Variants in GLDC observed in about 807,000 individuals in gnomAD.
GLDC encodes glycine decarboxylase, also known as glycine dehydrogenase (decarboxylating), mitochondrial.
A neutral mutation model predicts 121.3 loss-of-function variants in GLDC; 104 were observed. The observed-to-expected ratio is 0.86, with a 90% CI of 0.73 to 1.01. GLDC has a LOEUF of 1.01. Ranked by LOEUF, GLDC falls within the 50% of genes least tolerant of loss-of-function variation. The pLI is 0.00. For missense variants in GLDC, 1,429 were observed against 1,306.6 expected (o/e 1.09, Z -1.44); for synonymous variants, 546 against 480.6 (o/e 1.14, Z -1.78).
intron 18 of GLDC, among the ~76,000 whole-genome samples, chr9:6,555,518 T>A (rs1259044623): frequency 5.9e-5 from 9 of 151,706 alleles, no homozygotes; most frequent in Non-Finnish European, 8.8e-5. Flanking sequence ...CCTGTAATCC[T>A]AGCACTTTGG....
In GLDC at chr9:6,589,926, G is replaced by C. The variant is rs185957408; in HGVS notation, c.1483-634C>G. 7.6e-3 allele frequency among the ~76,000 whole-genome samples: 1,155 copies of C among 152,142 alleles called. 5 individuals are homozygous for C. The highest frequency in any genetic ancestry group is 0.017 in the Middle Eastern group (5 of 294). On this transcript the variant is annotated intron_variant, in intron 11 of 24. Transcript: ENST00000321612. ...CAAAATTAGCCGGTCGTGTTGGCGG[G>C]TGCCTGTAGTCGCAGCTACTCGGGA...
rs140411475 is a variant in GLDC, at chr9:6,606,659, T to C, written c.646A>G (p.Arg216Gly). 25 of 1,596,420 alleles carry C rather than the reference T, an allele frequency of 1.6e-5. No individual in the cohort carries two copies. The highest frequency in any genetic ancestry group is 1.7e-4 in the Middle Eastern group (1 of 6,018). Residue 216 changes from arginine (R) to glycine (G), a missense_variant, in exon 5 of 25, where the codon AGG (arginine) becomes GGG (glycine). Arg to Gly is a moderately radical substitution (Grantham distance 125). Coordinates refer to ENST00000321612, the MANE Select transcript of GLDC (RefSeq NM_000170.3). The part of the protein sequence containing the change: ...ALQLCYRHNK[R>G]RKFLVDPRCH... ...CGGGGATCAACGAGAAATTTCCTCC[T>C]CTTGTTGTGTCTGTTGAAAAGAAAA...
chr9:6,549,232 G>T (rs1021971938), intron 21 of GLDC, among the ~76,000 whole-genome samples: 3 of 152,248 alleles, frequency 2.0e-5, no homozygotes, highest in Middle Eastern at 3.4e-3. Context: ...GCGTCATCAC[G>T]TGCATTTGTC....
chr9:6,619,163 AAAAAAAAAAAAAAG>A lies in GLDC; in HGVS notation c.470+1007_470+1020del, dbSNP rs1371494655. On this transcript the variant is annotated intron_variant, in intron 3 of 24. Transcript: ENST00000321612. ...GTCTCAGGCAAAAAAAAAAAAAAAA[AAAAAAAAAAAAAAG>A]AAGAAGTAGGAGTGACTTATCTAAC... Among the ~76,000 whole-genome samples the A allele has an allele frequency of 2.0e-5, 3 of 150,356 alleles. No individual in the cohort carries two copies. In the East Asian group the frequency reaches 5.8e-4, roughly 29 times the overall value.
At position 6,534,738 on chromosome 9, in the gene GLDC, A is replaced by C; in HGVS notation, c.2889T>G (p.Pro963=). The change falls in exon 24 of 25, where the codon CCT becomes CCG. Residue 963 remains proline, a synonymous_variant. Transcript: ENST00000321612. The part of the protein sequence containing the change: ...TCVTSSHWDR[P]YSREVAAFPL... ...GGAATGCTGCCACCTCTCTGGAATA[A>C]GGCCGGTCCCAGTGGGAAGATGTAA... 6.2e-7 allele frequency: 1 copy of C among 1,606,572 alleles called. No homozygotes were observed. The highest frequency in any genetic ancestry group is 8.5e-7 in the Non-Finnish European group (1 of 1,173,154).
At chr9:6,541,259 G>A (rs1331162412) in intron 21 of GLDC, 4 of 152,164 alleles carry the variant, frequency 2.6e-5, no homozygotes, top group Admixed American at 6.5e-5. Context: ...TTAAGTCAGC[G>A]TTTTAATAAA....
intron 21 of GLDC, among the ~76,000 whole-genome samples, chr9:6,549,597 G>A (rs1817467250): frequency 6.6e-6 from 1 of 152,026 alleles, no homozygotes; most frequent in Non-Finnish European, 1.5e-5. Flanking sequence ...CTTTCCTGGG[G>A]CCTCACCACT....
At chr9:6,613,924 G>A (rs1340931794) in intron 3 of GLDC, among the ~76,000 whole-genome samples, 2 of 152,004 alleles carry the variant, frequency 1.3e-5, no homozygotes, top group African/African-American at 2.4e-5. Context: ...TTACAGGTGC[G>A]TGACACCACA....
chr9:6,618,967 C>T (rs1819022003), intron 3 of GLDC, among the ~76,000 whole-genome samples: 1 of 151,624 alleles, frequency 6.6e-6, no homozygotes, highest in South Asian at 2.1e-4. Flanking sequence ...GATGGTGAAA[C>T]CCCGTCTCTA....
rs767267571 is a variant in GLDC at position 6,550,873 on chromosome 9, C to T, written c.2499G>A (p.Ala833=). The T allele has an allele frequency of 6.8e-6, 11 of 1,613,592 alleles. No individual in the cohort carries two copies. Among genetic ancestry groups the T allele is most frequent in the African/African-American group, 5.3e-5 (4 of 74,884 alleles). ...TGGCCATGTAGTTGGCATTTAATAT[C>T]GCAGTTTCCGTGGCTTGTTTAAGAC... The part of the protein sequence containing the change: ...GKGLKQATET[A]ILNANYMAKR... Residue 833 remains alanine (A), a synonymous_variant, in exon 21 of 25, where the codon GCG becomes GCA. Coordinates refer to ENST00000321612, the MANE Select transcript of GLDC (RefSeq NM_000170.3).
chr9:6,552,062 AAG>A (rs1283939682), intron 20 of GLDC, among the ~76,000 whole-genome samples: 1 of 152,184 alleles, frequency 6.6e-6, no homozygotes, highest in Non-Finnish European at 1.5e-5. Flanking sequence ...AAGCAACAGG[AAG>A]CCACGAGAGA....
chr9:6,552,807 GGAAGGAAGCCTGT>G (rs1817542083), intron 20 of GLDC, among the ~76,000 whole-genome samples: 1 of 152,120 alleles, frequency 6.6e-6, no homozygotes, highest in African/African-American at 2.4e-5. Flanking sequence ...ATAAGACAAA[GGAAGGAAGCCTGT>G]ACTCTGACTA....
At position 6,589,181 on chromosome 9, in the gene GLDC, C is replaced by G. The variant is rs1038001965; in HGVS notation, c.1580+14G>C. 1 of 1,516,450 alleles carries G rather than the reference C, an allele frequency of 6.6e-7. No homozygotes were observed. The highest frequency in any genetic ancestry group is 9.2e-7 in the Non-Finnish European group (1 of 1,090,746). The allele number at this position is 1,516,450 out of a possible 1,614,324, so 93.9% of individuals were successfully genotyped here. A position where few individuals can be genotyped will look rare whatever the true frequency, so the allele number is the denominator to read the frequency against. On this transcript the variant is annotated intron_variant, in intron 12 of 24. Transcript: ENST00000321612. ...CAAAGCACAAAACGCAGAAGTCACA[C>G]AAGACACACAAACCTGTTGAACACT...
chr9:6,620,263 T>G lies in GLDC; in HGVS notation c.391A>C (p.Arg131=). Residue 131 remains arginine, a synonymous_variant, in exon 3 of 25, where the codon AGA becomes CGA. Transcript: ENST00000321612. ...HAISSKNQIW[R]SYIGMGYYNC... ...TAATAGCCCATGCCAATATACGATC[T>G]CCAGATCTGGTTTTTGCTTGAAATG... The G allele has an allele frequency of 3.1e-6, 5 of 1,613,618 alleles. No homozygotes were observed. The highest frequency in any genetic ancestry group is 4.2e-6 in the Non-Finnish European group (5 of 1,179,472).
intron 24 of GLDC, 73 bp from the exon 25 acceptor site, chr9:6,533,233 TGCTAGTCCCACAACCTAAG>T (rs1368448707): frequency 7.8e-7 from 1 of 1,277,662 alleles, no homozygotes; most frequent in Non-Finnish European, 1.1e-6. Context: ...GAGGTGGCAA[TGCTAGTCCCACAACCTAAG>T]ACACCATCAG....
chr9:6,624,682 G>A (rs1349560204), intron 2 of GLDC, among the ~76,000 whole-genome samples: 3 of 152,110 alleles, frequency 2.0e-5, no homozygotes, highest in African/African-American at 7.2e-5. Context: ...GGCCCAGCTG[G>A]CCAGTTAAAA....
chr9:6,623,158 T>C lies in GLDC; in HGVS notation c.335-2839A>G, dbSNP rs1279078035. 108 of 169,804 alleles carry C rather than the reference T, an allele frequency of 6.4e-4. 1 individual carries two copies. The Admixed American group carries it at 6.8e-3, about 11-fold the overall frequency. 10.5% of individuals were successfully genotyped at this position (169,804 alleles called of 1,614,324 possible). A position where few individuals can be genotyped will look rare whatever the true frequency, so the allele number is the denominator to read the frequency against. On this transcript the variant is annotated intron_variant, in intron 2 of 24. Transcript: ENST00000321612. ...GAACGGGCCATGATGACAATGGCGG[T>C]TTTGTGGAATAGAAAAGGGGGAAAG... is the stretch of plus-strand genomic sequence containing the variant.
At chr9:6,625,963 G>C (rs1819229069) in intron 2 of GLDC, among the ~76,000 whole-genome samples, 1 of 152,112 alleles carries the variant, frequency 6.6e-6, no homozygotes, top group Non-Finnish European at 1.5e-5. Context: ...GGGGCTAGAA[G>C]CTGAGAAGAA....
rs531493545 is a variant in GLDC, at chr9:6,553,138, C to A, written c.2457+230G>T. ...ATGTTTCAGTTTCTCTGATGTTAAA[C>A]CCACTCTGAGAACCCAAAAGAAGTA... On this transcript the variant is annotated intron_variant, in intron 20 of 24. Transcript: ENST00000321612. Among the ~76,000 whole-genome samples the A allele has an allele frequency of 4.0e-4, 61 of 152,230 alleles. 1 individual carries two copies. The highest frequency in any genetic ancestry group is 3.4e-3 in the Middle Eastern group (1 of 294).
Sources: allele counts gnomAD v4.1 joint callset (sites outside exome capture counted in the v4.1 genomes callset), GRCh38; gene constraint gnomAD v4.1.1; transcripts MANE v1.5; gene names NCBI Gene and HGNC (gene_info 2026-07-23, HGNC 2026-07-21).